The following FHIT variants were observed in gnomAD, a reference collection of about 807,000 sequenced individuals.
FHIT encodes bis(5'-adenosyl)-triphosphatase.
Under a neutral mutation model 17.9 loss-of-function variants are expected in FHIT, and 19 were observed. That is an observed-to-expected ratio of 1.06 (90% CI 0.74 to 1.56). The LOEUF (loss-of-function observed/expected upper bound fraction) is 1.56, where lower values mean the gene tolerates loss of function less well. Among genes scored for constraint, FHIT ranks in the 40% most tolerant of loss-of-function variants. FHIT has a pLI of 0.00. For missense variants in FHIT, 248 were observed against 189.2 expected (o/e 1.31, Z -1.82); for synonymous variants, 81 against 69.7 (o/e 1.16, Z -0.81).
intron 3 of FHIT, among the ~76,000 whole-genome samples, chr3:60,967,774 G>T (rs1177211705): frequency 6.6e-6 from 1 of 152,082 alleles, no homozygotes. Flanking sequence ...CATTACACTA[G>T]ACTTTCACTA....
chr3:61,012,927 G>A (rs2031877519), intron 3 of FHIT, among the ~76,000 whole-genome samples: 1 of 151,884 alleles, frequency 6.6e-6, no homozygotes, highest in Admixed American at 6.6e-5. Context: ...GACTTATAGA[G>A]AAAGGAATGG....
At chr3:60,882,529 G>A (rs1290881945) in intron 3 of FHIT, among the ~76,000 whole-genome samples, 4 of 152,210 alleles carry the variant, frequency 2.6e-5, no homozygotes, top group South Asian at 4.1e-4. Flanking sequence ...ATGATCAAGT[G>A]GGATTTATCC....
At chr3:60,835,867 G>A (rs954558466) in intron 3 of FHIT, among the ~76,000 whole-genome samples, 10 of 152,038 alleles carry the variant, frequency 6.6e-5, no homozygotes, top group African/African-American at 2.4e-4. Flanking sequence ...CACCTGCCTC[G>A]GCCTCCCATC....
At chr3:60,459,447 G>T (rs1027162560) in intron 5 of FHIT, among the ~76,000 whole-genome samples, 1 of 152,166 alleles carries the variant, frequency 6.6e-6, no homozygotes, top group African/African-American at 2.4e-5. Context: ...CAGCTATTAA[G>T]GTAGATAAAT....
At chr3:59,783,545 T>C (rs1385708826) in intron 8 of FHIT, among the ~76,000 whole-genome samples, 1 of 152,198 alleles carries the variant, frequency 6.6e-6, no homozygotes, top group Admixed American at 6.5e-5. Flanking sequence ...GCCCTCTCTC[T>C]CTGCCATCAC....
intron 5 of FHIT, among the ~76,000 whole-genome samples, chr3:60,434,238 T>C (rs2030006761): frequency 6.6e-6 from 1 of 152,140 alleles, no homozygotes; most frequent in Non-Finnish European, 1.5e-5. Context: ...CATCCCACTA[T>C]CTACCTCTCA....
At chr3:60,867,090 G>C (rs1444344556) in intron 3 of FHIT, among the ~76,000 whole-genome samples, 1 of 152,134 alleles carries the variant, frequency 6.6e-6, no homozygotes, top group African/African-American at 2.4e-5. Flanking sequence ...GGAAGGTTGT[G>C]AGGACTCTTA....
At chr3:60,100,682 C>T (rs1309770274) in intron 5 of FHIT, among the ~76,000 whole-genome samples, 1 of 152,022 alleles carries the variant, frequency 6.6e-6, no homozygotes, top group Non-Finnish European at 1.5e-5. Flanking sequence ...GGCTCGAGGA[C>T]AAAGTTTAGC....
At chr3:60,344,175 T>A (rs1710663209) in intron 5 of FHIT, among the ~76,000 whole-genome samples, 1 of 152,154 alleles carries the variant, frequency 6.6e-6, no homozygotes, top group African/African-American at 2.4e-5. Context: ...CAGTGAAGTG[T>A]ATTTTCTATA....
At chr3:61,053,882 C>T (rs1004419141) in intron 2 of FHIT, among the ~76,000 whole-genome samples, 2 of 152,150 alleles carry the variant, frequency 1.3e-5, no homozygotes, top group African/African-American at 4.8e-5. Flanking sequence ...CAATTAGAAA[C>T]TGGCACAGGT....
intron 2 of FHIT, among the ~76,000 whole-genome samples, chr3:61,189,005 C>T (rs1352849024): frequency 6.6e-6 from 1 of 152,026 alleles, no homozygotes; most frequent in African/African-American, 2.4e-5. Flanking sequence ...TGGAAGCATT[C>T]CCTTTGAAAA....
At chr3:61,096,423 A>G (rs190861508) in intron 2 of FHIT, among the ~76,000 whole-genome samples, 55 of 152,348 alleles carry the variant, frequency 3.6e-4, no homozygotes, top group Admixed American at 5.9e-4. Flanking sequence ...TGGCAGAATG[A>G]TAAGAGTCCT....
chr3:60,062,238 C>A (rs1176250644), intron 5 of FHIT, among the ~76,000 whole-genome samples: 2 of 151,982 alleles, frequency 1.3e-5, no homozygotes, highest in East Asian at 1.9e-4. Flanking sequence ...TTCTGAGGTA[C>A]CTTACTATGG....
At chr3:60,481,181 G>A (rs2033592099) in intron 5 of FHIT, among the ~76,000 whole-genome samples, 1 of 152,130 alleles carries the variant, frequency 6.6e-6, no homozygotes, top group Admixed American at 6.5e-5. Flanking sequence ...TTCATAAAAA[G>A]ACTGAATCTA....
intron 5 of FHIT, among the ~76,000 whole-genome samples, chr3:60,225,549 C>A (rs1395365830): frequency 6.6e-6 from 1 of 152,140 alleles, no homozygotes; most frequent in Non-Finnish European, 1.5e-5. Context: ...AAAGACAGGG[C>A]AGATACAAGA....
At chr3:60,361,340 G>A (rs1699898888) in intron 5 of FHIT, among the ~76,000 whole-genome samples, 3 of 152,146 alleles carry the variant, frequency 2.0e-5, no homozygotes, top group African/African-American at 7.2e-5. Context: ...GAGGAGAGGT[G>A]TTTGTCAGGC....
At chr3:60,084,325 G>C (rs1156861577) in intron 5 of FHIT, among the ~76,000 whole-genome samples, 1 of 152,106 alleles carries the variant, frequency 6.6e-6, no homozygotes, top group Non-Finnish European at 1.5e-5. Flanking sequence ...TAACAGTGCT[G>C]AAACACTTTT....
chr3:60,372,781 C>CA (rs1559862153), intron 5 of FHIT, among the ~76,000 whole-genome samples: 1 of 151,768 alleles, frequency 6.6e-6, no homozygotes, highest in African/African-American at 2.4e-5. Flanking sequence ...TTCTCACAGA[C>CA]TTTTTTTTTA....
intron 5 of FHIT, among the ~76,000 whole-genome samples, chr3:60,235,467 T>A (rs1314750859): frequency 6.6e-6 from 1 of 152,134 alleles, no homozygotes; most frequent in Non-Finnish European, 1.5e-5. Context: ...CCTGACCTCG[T>A]GATCTGCTGG....
Sources: gnomAD v4.1 joint callset for allele counts (sites outside exome capture counted in the v4.1 genomes callset) on GRCh38, gnomAD v4.1.1 for gene constraint, MANE v1.5 for transcripts, NCBI Gene and HGNC (gene_info 2026-07-23, HGNC 2026-07-21) for gene names.